Variants in PEX5L observed in about 807,000 individuals in gnomAD.
The protein encoded by PEX5L is peroxisomal biogenesis factor 5 like.
PEX5L carries 30 observed loss-of-function variants against 84.0 expected under a neutral mutation model. The observed-to-expected ratio is 0.36, with a 90% CI of 0.27 to 0.48. The LOEUF is 0.48. PEX5L is among the 20% of genes least tolerant of loss of function. The pLI is 0.99. For missense variants in PEX5L, 533 were observed against 754.6 expected, an observed-to-expected ratio of 0.71 and a Z score of 3.44; for synonymous variants, 270 against 283.1, an observed-to-expected ratio of 0.95 and a Z score of 0.46.
chr3:179,864,149 C>A lies in PEX5L; in HGVS notation c.727-4992G>T, dbSNP rs554029488. On this transcript the variant is annotated intron_variant, in intron 7 of 14. Transcript: ENST00000467460. ...CTTTCTTTTGTAAATTACCCAGTCT[C>A]GGGTATGTTTTTATCAGCAGCGGGA... Among the ~76,000 whole-genome samples, 406 of 152,154 alleles carry A rather than the reference C, an allele frequency of 2.7e-3. 4 individuals carry two copies. The highest frequency in any genetic ancestry group is 9.4e-3 in the African/African-American group (392 of 41,536).
At chr3:179,807,146 A>G (rs1478075043) in intron 14 of PEX5L, among the ~76,000 whole-genome samples, 1 of 152,218 alleles carries the variant, frequency 6.6e-6, no homozygotes, top group Non-Finnish European at 1.5e-5. Context: ...ATTTTAAACT[A>G]TAAGCCCAGT....
intron 3 of PEX5L, among the ~76,000 whole-genome samples, chr3:179,894,008 C>A (rs1473315921): frequency 6.6e-6 from 1 of 152,022 alleles, no homozygotes. Context: ...AAGTGATACT[C>A]CCATATTAGC....
intron 2 of PEX5L, among the ~76,000 whole-genome samples, chr3:179,924,339 C>T (rs1397778279): frequency 2.6e-5 from 4 of 152,110 alleles, no homozygotes; most frequent in Non-Finnish European, 2.9e-5. Context: ...CTTCTTGGGA[C>T]GGGGTTCAAA....
At chr3:179,846,192 T>C (rs756126453) in intron 8 of PEX5L, among the ~76,000 whole-genome samples, 34 of 151,872 alleles carry the variant, frequency 2.2e-4, no homozygotes, top group Non-Finnish European at 3.7e-4. Flanking sequence ...AAAACTATGA[T>C]AGTTAGTTTT....
At chr3:179,911,207 G>C (rs1174100439) in intron 2 of PEX5L, among the ~76,000 whole-genome samples, 1 of 152,158 alleles carries the variant, frequency 6.6e-6, no homozygotes, top group African/African-American at 2.4e-5. Context: ...GTTGTCAAGT[G>C]CCTGCCTTTT....
intron 1 of PEX5L, among the ~76,000 whole-genome samples, chr3:179,981,815 A>C (rs201426034): frequency 6.7e-6 from 1 of 148,204 alleles, no homozygotes; most frequent in Non-Finnish European, 1.5e-5. Context: ...GAAAAAAAAA[A>C]CAAAGGGAGT....
At chr3:180,019,754 A>C (rs925959229) in intron 1 of PEX5L, among the ~76,000 whole-genome samples, 8 of 152,198 alleles carry the variant, frequency 5.3e-5, no homozygotes, top group African/African-American at 1.7e-4. Context: ...TTGAGGGTAT[A>C]ATTTCCATAT....
chr3:179,941,191 T>G (rs1232064855), intron 2 of PEX5L, among the ~76,000 whole-genome samples: 1 of 152,256 alleles, frequency 6.6e-6, no homozygotes, highest in East Asian at 1.9e-4. Context: ...TTTATTTTAT[T>G]GTGTTAAAAT....
intron 2 of PEX5L, among the ~76,000 whole-genome samples, chr3:179,918,039 A>T (rs916642059): frequency 6.6e-6 from 1 of 152,216 alleles, no homozygotes; most frequent in African/African-American, 2.4e-5. Flanking sequence ...ACCATTTTAA[A>T]GATGCAGAAA....
chr3:179,914,666 T>G (rs1005514199), intron 2 of PEX5L, among the ~76,000 whole-genome samples: 2 of 152,220 alleles, frequency 1.3e-5, no homozygotes, highest in African/African-American at 4.8e-5. Context: ...GGTTACAGAA[T>G]GATAAAACCA....
chr3:179,884,299 T>C (rs1350130272), intron 4 of PEX5L, among the ~76,000 whole-genome samples: 1 of 152,186 alleles, frequency 6.6e-6, no homozygotes, highest in African/African-American at 2.4e-5. Flanking sequence ...GGATGATCCC[T>C]GTGGGCCCAA....
intron 3 of PEX5L, among the ~76,000 whole-genome samples, chr3:179,897,304 T>C (rs770786792): frequency 3.9e-5 from 6 of 152,104 alleles, no homozygotes; most frequent in Admixed American, 2.6e-4. Context: ...AATAATCTAA[T>C]CTAAATTATA....
chr3:179,957,943 T>C (rs1780997773), intron 2 of PEX5L, among the ~76,000 whole-genome samples: 1 of 152,140 alleles, frequency 6.6e-6, no homozygotes, highest in African/African-American at 2.4e-5. Flanking sequence ...CTGCTCTTTT[T>C]TGCAGCTTTG....
At chr3:179,852,153 T>C (rs1742147083) in intron 8 of PEX5L, among the ~76,000 whole-genome samples, 1 of 152,222 alleles carries the variant, frequency 6.6e-6, no homozygotes, top group Non-Finnish European at 1.5e-5. Flanking sequence ...CTGGATGGCC[T>C]GACCTGGGGT....
At chr3:179,852,418 A>G (rs1169675833) in intron 8 of PEX5L, among the ~76,000 whole-genome samples, 2 of 152,162 alleles carry the variant, frequency 1.3e-5, no homozygotes, top group Non-Finnish European at 2.9e-5. Flanking sequence ...ACTTTATTCT[A>G]TTTATGAGAA....
intron 8 of PEX5L, among the ~76,000 whole-genome samples, chr3:179,841,993 C>T (rs546351029): frequency 1.3e-5 from 2 of 152,324 alleles, no homozygotes; most frequent in African/African-American, 4.8e-5. Flanking sequence ...AGTCAGCATA[C>T]TTTAGTGGAT....
intron 2 of PEX5L, among the ~76,000 whole-genome samples, chr3:179,939,021 G>A (rs1775359274): frequency 6.6e-6 from 1 of 152,202 alleles, no homozygotes; most frequent in Non-Finnish European, 1.5e-5. Flanking sequence ...TCTAGTAAAT[G>A]GCTCAGGGGC....
chr3:179,956,993 G>A (rs939542532), intron 2 of PEX5L, among the ~76,000 whole-genome samples: 1 of 152,054 alleles, frequency 6.6e-6, no homozygotes, highest in Non-Finnish European at 1.5e-5. Flanking sequence ...GCATGAGCCA[G>A]TGAAAATCCT....
At chr3:180,017,983 C>T (rs921599425) in intron 1 of PEX5L, among the ~76,000 whole-genome samples, 1 of 152,130 alleles carries the variant, frequency 6.6e-6, no homozygotes, top group Non-Finnish European at 1.5e-5. Context: ...CTGTGTTTCT[C>T]AGATTTTATT....
Sources: gnomAD v4.1 joint callset for allele counts (sites outside exome capture counted in the v4.1 genomes callset) on GRCh38, gnomAD v4.1.1 for gene constraint, MANE v1.5 for transcripts, NCBI Gene and HGNC (gene_info 2026-07-23, HGNC 2026-07-21) for gene names.